Variants in SCFD2 observed in about 807,000 individuals in gnomAD.
SCFD2 encodes the protein sec1 family domain containing 2.
A neutral mutation model predicts 58.9 loss-of-function variants in SCFD2; 54 were observed. That is an observed-to-expected ratio of 0.92 (90% CI 0.74 to 1.15). The LOEUF is 1.15. Ranked by LOEUF, SCFD2 falls within the 50% of genes most tolerant of loss-of-function variation. The pLI, the probability that SCFD2 is intolerant of heterozygous loss-of-function variation, is 0.00. For missense variants in SCFD2, 805 were observed against 836.6 expected (o/e 0.96, Z 0.47); for synonymous variants, 321 against 335.9 (o/e 0.96, Z 0.49).
At chr4:53,334,584 C>T (rs1733613917) in intron 2 of SCFD2, among the ~76,000 whole-genome samples, 1 of 144,276 alleles carries the variant, frequency 6.9e-6, no homozygotes, top group Non-Finnish European at 1.5e-5. Flanking sequence ...GGGAATATCA[C>T]ACTCTGGGGA....
At chr4:52,959,709 G>A (rs745466420) in intron 5 of SCFD2, among the ~76,000 whole-genome samples, 2 of 152,040 alleles carry the variant, frequency 1.3e-5, no homozygotes, top group Admixed American at 6.6e-5. Flanking sequence ...AATGAATTCC[G>A]CTCATTTAAG....
At chr4:53,303,223 A>G (rs1732378831) in intron 3 of SCFD2, among the ~76,000 whole-genome samples, 1 of 152,238 alleles carries the variant, frequency 6.6e-6, no homozygotes, top group Non-Finnish European at 1.5e-5. Flanking sequence ...GCTAATATCC[A>G]GAATGTACAA....
intron 5 of SCFD2, among the ~76,000 whole-genome samples, chr4:53,020,147 C>T (rs1441759108): frequency 6.6e-6 from 1 of 152,166 alleles, no homozygotes; most frequent in Non-Finnish European, 1.5e-5. Flanking sequence ...TTCCGGTGCC[C>T]ACATACTAAA....
At chr4:53,225,992 T>G (rs1289504420) in intron 4 of SCFD2, among the ~76,000 whole-genome samples, 2 of 152,194 alleles carry the variant, frequency 1.3e-5, no homozygotes, top group African/African-American at 4.8e-5. Context: ...TATAGAAATT[T>G]GATCTCGCTG....
chr4:53,111,992 C>G (rs1018269970), intron 5 of SCFD2, among the ~76,000 whole-genome samples: 1 of 151,888 alleles, frequency 6.6e-6, no homozygotes. Context: ...GATAAATGTG[C>G]TAAAAACAAC....
chr4:53,325,189 G>A (rs62324326), intron 2 of SCFD2, among the ~76,000 whole-genome samples: 38,052 of 150,230 alleles, frequency 0.25, 5,278 homozygotes, highest in Non-Finnish European at 0.32. Context: ...GTGTGTGTGT[G>A]TGCGCGTGCG....
At chr4:53,222,415 T>C (rs1729075024) in intron 4 of SCFD2, among the ~76,000 whole-genome samples, 1 of 152,228 alleles carries the variant, frequency 6.6e-6, no homozygotes, top group Non-Finnish European at 1.5e-5. Flanking sequence ...TTAACTGTCA[T>C]TTTTATCCAT....
intron 5 of SCFD2, among the ~76,000 whole-genome samples, chr4:52,944,426 C>A (rs1022418996): frequency 3.9e-5 from 6 of 152,004 alleles, no homozygotes; most frequent in African/African-American, 1.2e-4. Context: ...AGAACCATGA[C>A]AAGTAGGGTT....
At chr4:52,948,698 G>C in intron 5 of SCFD2, 1 of 354,120 alleles carries the variant, frequency 2.8e-6, no homozygotes, top group Middle Eastern at 6.4e-4. Context: ...GCAGCCATCA[G>C]CATAAGCAAC....
At chr4:53,032,749 C>A (rs190602584) in intron 5 of SCFD2, among the ~76,000 whole-genome samples, 447 of 152,278 alleles carry the variant, frequency 2.9e-3, no homozygotes, top group African/African-American at 0.01. Context: ...GTAAAGGGAT[C>A]AATGCAGCAA....
At chr4:53,063,928 A>T (rs1723585292) in intron 5 of SCFD2, among the ~76,000 whole-genome samples, 1 of 152,016 alleles carries the variant, frequency 6.6e-6, no homozygotes, top group Non-Finnish European at 1.5e-5. Flanking sequence ...GCCCGGATTT[A>T]CTATCATTTG....
chr4:52,956,415 T>C (rs1257252035), intron 5 of SCFD2: 3 of 364,854 alleles, frequency 8.2e-6, no homozygotes, highest in Non-Finnish European at 5.4e-6. Context: ...GAAAATGTAC[T>C]GGCTCAAGTA....
chr4:53,000,655 C>A (rs1577651245), intron 5 of SCFD2, among the ~76,000 whole-genome samples: 1 of 152,222 alleles, frequency 6.6e-6, no homozygotes, highest in Admixed American at 6.5e-5. Flanking sequence ...ATCTTCCAGG[C>A]CAGCCTACTG....
chr4:52,928,158 G>T (rs2109493629), intron 5 of SCFD2, among the ~76,000 whole-genome samples: 1 of 152,018 alleles, frequency 6.6e-6, no homozygotes, highest in South Asian at 2.1e-4. Context: ...AACATAGCAA[G>T]ACTCTGTCTC....
intron 5 of SCFD2, among the ~76,000 whole-genome samples, chr4:53,123,028 C>T (rs1272927956): frequency 6.6e-6 from 1 of 152,128 alleles, no homozygotes; most frequent in East Asian, 1.9e-4. Flanking sequence ...CTGTCCAATA[C>T]TCCCTTACTG....
chr4:53,017,450 T>C (rs1344264115), intron 5 of SCFD2, among the ~76,000 whole-genome samples: 2 of 152,220 alleles, frequency 1.3e-5, no homozygotes, highest in Non-Finnish European at 2.9e-5. Flanking sequence ...AGATGACAGA[T>C]GAAATAGTAG....
intron 4 of SCFD2, among the ~76,000 whole-genome samples, chr4:53,206,113 G>T (rs1728397919): frequency 6.6e-6 from 1 of 152,088 alleles, no homozygotes; most frequent in African/African-American, 2.4e-5. Context: ...AAATTTCACT[G>T]TTAGCTTTTT....
intron 4 of SCFD2, among the ~76,000 whole-genome samples, chr4:53,150,523 G>A (rs779025353): frequency 7.2e-4 from 109 of 151,898 alleles, no homozygotes; most frequent in Non-Finnish European, 6.2e-4. Context: ...TGACAATAAC[G>A]AAGAAAAAAA....
At chr4:53,238,496 G>A (rs1729761944) in intron 4 of SCFD2, among the ~76,000 whole-genome samples, 1 of 151,734 alleles carries the variant, frequency 6.6e-6, no homozygotes, top group Non-Finnish European at 1.5e-5. Flanking sequence ...GGTGGGGCGG[G>A]GGCTGACCCC....
Sources: gnomAD v4.1 joint callset for allele counts (sites outside exome capture counted in the v4.1 genomes callset) on GRCh38, gnomAD v4.1.1 for gene constraint, MANE v1.5 for transcripts, NCBI Gene and HGNC (gene_info 2026-07-23, HGNC 2026-07-21) for gene names.